RFX7: variants seen among roughly 807,000 people sequenced by gnomAD.
The protein encoded by RFX7 is regulatory factor X7.
In RFX7, 26 loss-of-function variants were observed where a neutral mutation model predicts 111.8. The observed-to-expected ratio is 0.23, with a 90% CI of 0.17 to 0.32. The LOEUF is 0.32. RFX7 is among the 10% of genes least tolerant of loss of function. The probability of loss-of-function intolerance (pLI) is 1.00; values close to 1 mark genes in which losing one functional copy is unlikely to be tolerated. For synonymous variants in RFX7, 624 were observed against 624.4 expected, an observed-to-expected ratio of 1.00 and a Z score of 0.01; for missense variants, 1,573 against 1,772.9, an observed-to-expected ratio of 0.89 and a Z score of 2.02.
At chr15:56,188,605 A>G (rs2043066179) in intron 2 of RFX7, among the ~76,000 whole-genome samples, 1 of 152,260 alleles carries the variant, frequency 6.6e-6, no homozygotes, top group African/African-American at 2.4e-5. Flanking sequence ...CCTGACTTCT[A>G]CATAGTAAAC....
chr15:56,172,114 A>G (rs2042852206), intron 3 of RFX7, among the ~76,000 whole-genome samples: 1 of 152,184 alleles, frequency 6.6e-6, no homozygotes. Context: ...GGAAATGGTC[A>G]ACAGAGTGAA....
intron 2 of RFX7, among the ~76,000 whole-genome samples, chr15:56,227,092 C>T (rs2043493697): frequency 6.6e-6 from 1 of 152,236 alleles, no homozygotes; most frequent in Admixed American, 6.5e-5. Context: ...GTGGTTTATA[C>T]ATAACACTGG....
chr15:56,105,893 T>C (rs2041823761), intron 5 of RFX7, among the ~76,000 whole-genome samples: 1 of 152,038 alleles, frequency 6.6e-6, no homozygotes, highest in African/African-American at 2.4e-5. Flanking sequence ...TTACAAAAAT[T>C]GTTTGTTAAG....
At chr15:56,231,892 C>T (rs2043562336) in intron 2 of RFX7, among the ~76,000 whole-genome samples, 1 of 152,158 alleles carries the variant, frequency 6.6e-6, no homozygotes, top group East Asian at 1.9e-4. Flanking sequence ...CTAAAGGCCC[C>T]ATGCAAGTCC....
At chr15:56,237,671 T>C (rs575791376) in intron 2 of RFX7, among the ~76,000 whole-genome samples, 3 of 152,288 alleles carry the variant, frequency 2.0e-5, no homozygotes, top group East Asian at 3.9e-4. Flanking sequence ...CACCTTTCAA[T>C]GGAGAGAGCA....
At chr15:56,227,117 ATTT>A (rs2043493988) in intron 2 of RFX7, among the ~76,000 whole-genome samples, 1 of 152,206 alleles carries the variant, frequency 6.6e-6, no homozygotes, top group Admixed American at 6.5e-5. Context: ...AAATATGGCC[ATTT>A]CCTCTTCACC....
chr15:56,147,789 G>T (rs1313923604), intron 3 of RFX7, among the ~76,000 whole-genome samples: 3 of 152,168 alleles, frequency 2.0e-5, no homozygotes, highest in African/African-American at 7.2e-5. Flanking sequence ...TAGCGAGGAT[G>T]GTCTCGATCT....
Position 56,089,430 on chromosome 15 carries a change from C to CCTAT in RFX7, c.*3911_*3914dup, listed in dbSNP as rs1346613790. The stretch of plus-strand genomic sequence containing the variant: ...AACCATTGAATGAACCCTTGAACCT[C>CCTAT]CTATCTCCACTATTATTAAGCTAAA... On this transcript the variant is annotated 3_prime_UTR_variant, in exon 10 of 10. Transcript: ENST00000559447. 6.6e-6 allele frequency: 1 copy of CCTAT among 152,460 alleles called. No individual in the cohort carries two copies. Among genetic ancestry groups the CCTAT allele is most frequent in the Non-Finnish European group, 1.5e-5 (1 of 68,006 alleles). 9.4% of individuals were successfully genotyped at this position (152,460 alleles called of 1,614,324 possible).
chr15:56,210,482 A>G (rs1372871933), intron 2 of RFX7, among the ~76,000 whole-genome samples: 1 of 152,120 alleles, frequency 6.6e-6, no homozygotes, highest in Non-Finnish European at 1.5e-5. Flanking sequence ...GGACTTTTAT[A>G]GAGCACTTCA....
intron 2 of RFX7, among the ~76,000 whole-genome samples, chr15:56,194,801 T>C (rs1189549699): frequency 1.3e-5 from 2 of 152,160 alleles, no homozygotes; most frequent in Non-Finnish European, 2.9e-5. Context: ...TTGGAATCCT[T>C]GCACATTGCT....
intron 2 of RFX7, among the ~76,000 whole-genome samples, chr15:56,182,222 C>T (rs773159193): frequency 6.6e-5 from 10 of 152,124 alleles, no homozygotes; most frequent in Non-Finnish European, 1.3e-4. Flanking sequence ...CCCACCCCTC[C>T]ATCTGTGGGA....
At chr15:56,119,663 G>C (rs570648199) in intron 5 of RFX7, among the ~76,000 whole-genome samples, 52 of 151,850 alleles carry the variant, frequency 3.4e-4, no homozygotes, top group Non-Finnish European at 6.2e-4. Context: ...TATAGTTCCA[G>C]CTACTTGGGG....
chr15:56,179,779 C>T (rs1230874060), intron 2 of RFX7, among the ~76,000 whole-genome samples: 1 of 143,260 alleles, frequency 7.0e-6, no homozygotes, highest in African/African-American at 2.7e-5. Flanking sequence ...CACACACACA[C>T]ACACACACAC....
At chr15:56,101,605 C>G in intron 7 of RFX7, 39 bp from the exon 8 acceptor site, 2 of 1,511,748 alleles carry the variant, frequency 1.3e-6, no homozygotes, top group Non-Finnish European at 1.8e-6. Flanking sequence ...TTGTAAAAGA[C>G]CAGAGAAATT....
At chr15:56,229,365 A>G (rs2043522746) in intron 2 of RFX7, among the ~76,000 whole-genome samples, 1 of 152,024 alleles carries the variant, frequency 6.6e-6, no homozygotes, top group Non-Finnish European at 1.5e-5. Flanking sequence ...TCCCAGGTTC[A>G]CGCCATTCTC....
chr15:56,233,048 G>C (rs1481200732), intron 2 of RFX7, among the ~76,000 whole-genome samples: 1 of 152,208 alleles, frequency 6.6e-6, no homozygotes, highest in East Asian at 1.9e-4. Context: ...CATATTTTTG[G>C]GTTATCTTTA....
intron 2 of RFX7, among the ~76,000 whole-genome samples, chr15:56,188,934 G>C (rs565829279): frequency 6.6e-6 from 1 of 152,186 alleles, no homozygotes; most frequent in Non-Finnish European, 1.5e-5. Context: ...CGGGGTTCAA[G>C]TGATTCTCCT....
intron 3 of RFX7, among the ~76,000 whole-genome samples, chr15:56,145,495 T>G (rs1463072234): frequency 1.3e-5 from 2 of 152,224 alleles, no homozygotes; most frequent in African/African-American, 2.4e-5. Flanking sequence ...CACATGCAAA[T>G]AGCTCCCAAA....
chr15:56,197,784 T>C (rs1427266030), intron 2 of RFX7, among the ~76,000 whole-genome samples: 3 of 151,964 alleles, frequency 2.0e-5, no homozygotes, highest in Non-Finnish European at 4.4e-5. Context: ...AGTCAAAGGG[T>C]ATTAAAACAG....
Sources: gnomAD v4.1 joint callset for allele counts (sites outside exome capture counted in the v4.1 genomes callset) on GRCh38, gnomAD v4.1.1 for gene constraint, MANE v1.5 for transcripts, NCBI Gene and HGNC (gene_info 2026-07-23, HGNC 2026-07-21) for gene names.